Variants in PTK7 observed in about 807,000 individuals in gnomAD.
PTK7 encodes inactive tyrosine-protein kinase 7.
In PTK7, 39 loss-of-function variants were observed where a neutral mutation model predicts 116.6. The observed-to-expected ratio is 0.33, with a 90% CI of 0.26 to 0.44. The LOEUF is 0.44. Ranked by LOEUF, PTK7 falls within the 20% of genes least tolerant of loss-of-function variation. PTK7 has a pLI of 1.00. For missense variants in PTK7, 1,169 were observed against 1,425.6 expected (o/e 0.82, Z 2.90); for synonymous variants, 546 against 563.6 (o/e 0.97, Z 0.44).
At chr6:43,084,091 G>A (rs1322787679) in intron 1 of PTK7, among the ~76,000 whole-genome samples, 3 of 152,148 alleles carry the variant, frequency 2.0e-5, no homozygotes, top group Non-Finnish European at 4.4e-5. Context: ...AGCTGATCCA[G>A]TTACATAGGC....
chr6:43,076,715 G>C lies in PTK7; in HGVS notation c.79+148G>C. The C allele has an allele frequency of 7.3e-7, 1 of 1,376,544 alleles. No individual in the cohort carries two copies. Among genetic ancestry groups the C allele is most frequent in the Non-Finnish European group, 9.5e-7 (1 of 1,049,774 alleles). The allele number at this position is 1,376,544 out of a possible 1,614,324, so 85.3% of individuals were successfully genotyped here. A position where few individuals can be genotyped will look rare whatever the true frequency, so the allele number is the denominator to read the frequency against. ...CTGGGGGTGCAGGCTTGCGGCGGAA[G>C]GGCGCAAGGAGCCCGGGTGTCGGGA... On this transcript the variant is annotated intron_variant, in intron 1 of 19. Transcript: ENST00000230419. The surrounding 1 kb of genome is among the most constrained non-coding windows in gnomAD (Gnocchi z 5.7).
At chr6:43,147,721 C>T (rs1770804998) in intron 17 of PTK7, among the ~76,000 whole-genome samples, 1 of 152,196 alleles carries the variant, frequency 6.6e-6, no homozygotes, top group Admixed American at 6.5e-5. Context: ...TCAGGCTGGC[C>T]CCCTCTTATT....
chr6:43,114,352 G>GTCTC (rs370067302), intron 1 of PTK7, among the ~76,000 whole-genome samples: 310 of 149,788 alleles, frequency 2.1e-3, no homozygotes, highest in African/African-American at 6.8e-3. Context: ...CTGTCTGTCT[G>GTCTC]TCTCTCTCTC....
At position 43,119,684 on chromosome 6, in the gene PTK7, G is replaced by A. The variant is rs149531718; in HGVS notation, c.80-9293G>A. On this transcript the variant is annotated intron_variant, in intron 1 of 19. Coordinates refer to ENST00000230419, the MANE Select transcript of PTK7 (RefSeq NM_002821.5). ...CAGAGGTCTTCCTGAGGCTGAGCTC[G>A]TGGCATATTTCCCAGTCTCCTGTTC... is the stretch of plus-strand genomic sequence containing the variant. Among the ~76,000 whole-genome samples the A allele has an allele frequency of 4.1e-3, 625 of 152,298 alleles. 1 individual carries two copies. The highest frequency in any genetic ancestry group is 6.8e-3 in the Middle Eastern group (2 of 294).
In PTK7 at chr6:43,076,358, G is replaced by C; in HGVS notation, c.-131G>C. 3.8e-6 allele frequency: 2 copies of C among 529,940 alleles called. No homozygotes were observed. The highest frequency in any genetic ancestry group is 5.4e-6 in the Non-Finnish European group (2 of 369,854). The allele number at this position is 529,940 out of a possible 1,614,324, so 32.8% of individuals were successfully genotyped here. A position where few individuals can be genotyped will look rare whatever the true frequency, so the allele number is the denominator to read the frequency against. ...GGCTCGGGACGCCTCGGGACGCCTC[G>C]GGGTCGGGCTCCGGCTGCGGCTGCT... On this transcript the variant is annotated 5_prime_UTR_variant, in exon 1 of 20. Transcript: ENST00000230419. The surrounding 1 kb of genome is among the most constrained non-coding windows in gnomAD (Gnocchi z 5.7).
chr6:43,100,232 A>T (rs1767490455), intron 1 of PTK7, among the ~76,000 whole-genome samples: 1 of 152,076 alleles, frequency 6.6e-6, no homozygotes, highest in African/African-American at 2.4e-5. Flanking sequence ...AAATATGAAA[A>T]ATTAGCTGGG....
chr6:43,077,370 G>GA (rs1403802907), intron 1 of PTK7, among the ~76,000 whole-genome samples: 1 of 152,212 alleles, frequency 6.6e-6, no homozygotes, highest in Non-Finnish European at 1.5e-5. Flanking sequence ...CCTCACAGAG[G>GA]AAAGGAAGTA....
At chr6:43,155,179 T>C (rs1771349749) in intron 17 of PTK7, among the ~76,000 whole-genome samples, 1 of 152,056 alleles carries the variant, frequency 6.6e-6, no homozygotes, top group African/African-American at 2.4e-5. Context: ...TGGCACGTGG[T>C]AGATACTCAA....
intron 17 of PTK7, among the ~76,000 whole-genome samples, chr6:43,152,050 T>C (rs900262961): frequency 6.7e-6 from 1 of 149,512 alleles, no homozygotes; most frequent in Non-Finnish European, 1.5e-5. Context: ...GGTTTCATCA[T>C]GTTAGCCAGG....
In PTK7 at chr6:43,076,666, G is replaced by T; in HGVS notation, c.79+99G>T. ...GCGGTGGGTTTGGGCGGCTGGAACG[G>T]CCCTGGAGTAGTGGAGAGGCTCGCT... On this transcript the variant is annotated intron_variant, in intron 1 of 19. Coordinates refer to ENST00000230419, the MANE Select transcript of PTK7 (RefSeq NM_002821.5). The surrounding 1 kb of genome is among the most constrained non-coding windows in gnomAD (Gnocchi z 5.7). 7.0e-7 allele frequency: 1 copy of T among 1,438,208 alleles called. No individual in the cohort carries two copies. The highest frequency in any genetic ancestry group is 9.3e-7 in the Non-Finnish European group (1 of 1,078,246). 89.1% of individuals were successfully genotyped at this position (1,438,208 alleles called of 1,614,324 possible).
chr6:43,101,387 C>T (rs1427788629), intron 1 of PTK7, among the ~76,000 whole-genome samples: 1 of 151,274 alleles, frequency 6.6e-6, no homozygotes, highest in Non-Finnish European at 1.5e-5. Context: ...TCTGTCTCTA[C>T]TAAAAATACA....
intron 1 of PTK7, among the ~76,000 whole-genome samples, chr6:43,084,226 GCT>G (rs1766533196): frequency 6.6e-6 from 1 of 152,180 alleles, no homozygotes; most frequent in Admixed American, 6.5e-5. Context: ...GTCCTGTTGG[GCT>G]CAAGTGATTC....
In PTK7 at chr6:43,144,481, C is replaced by G. The variant is rs1770608818; in HGVS notation, c.2282C>G (p.Ala761Gly). Residue 761 changes from alanine to glycine, a missense_variant, in exon 15 of 20, where the codon GCA (alanine) becomes GGA (glycine). Ala to Gly is a moderately conservative substitution (Grantham distance 60). Around this residue, in one of 3 missense-constraint regions of PTK7, gnomAD observed 678 missense variants for 853.8 expected, o/e 0.79. Coordinates refer to ENST00000230419, the MANE Select transcript of PTK7 (RefSeq NM_002821.5). ...CCTTTGCAGAACGGGCAGCCCTCAG[C>G]AGAGATCCAAGAAGAAGTGGCCTTG... ...GGPLQNGQPS[A>G]EIQEEVALTS... 6.2e-7 allele frequency: 1 copy of G among 1,614,036 alleles called. No individual in the cohort carries two copies. The highest frequency in any genetic ancestry group is 1.7e-5 in the Admixed American group (1 of 60,000).
In PTK7 at chr6:43,141,765, C is replaced by T. The variant is rs767918929; in HGVS notation, c.1716C>T (p.Ala572=). The T allele has an allele frequency of 5.0e-6, 8 of 1,614,030 alleles. No homozygotes were observed. The South Asian group carries it at 6.6e-5, about 13-fold the overall frequency. The part of the protein sequence containing the change: ...RDDAGNYTCI[A]SNGPQGQIRA... Reference sequence around the variant, plus strand: ...ACGCTGGCAACTACACTTGCATTGCCTCCAACGGGCCGCAGGGCCAGATTC... The same window carrying T: ...ACGCTGGCAACTACACTTGCATTGCTTCCAACGGGCCGCAGGGCCAGATTC... Residue 572 remains alanine (A), a synonymous_variant, in exon 11 of 20, where the codon GCC becomes GCT. Coordinates refer to ENST00000230419, the MANE Select transcript of PTK7 (RefSeq NM_002821.5). The surrounding 1 kb of genome is among the most constrained non-coding windows in gnomAD (Gnocchi z 4.9).
intron 1 of PTK7, among the ~76,000 whole-genome samples, chr6:43,090,077 A>G (rs1231788514): frequency 6.6e-6 from 1 of 152,238 alleles, no homozygotes; most frequent in Non-Finnish European, 1.5e-5. Flanking sequence ...GTCTCCAGAC[A>G]GCAATTTTAG....
chr6:43,149,684 A>G (rs139164510), intron 17 of PTK7, among the ~76,000 whole-genome samples: 44 of 152,322 alleles, frequency 2.9e-4, no homozygotes, highest in Non-Finnish European at 5.7e-4. Flanking sequence ...GACCTGCATC[A>G]CTTAGCAACA....
intron 1 of PTK7, among the ~76,000 whole-genome samples, chr6:43,090,641 C>T (rs1360499985): frequency 6.6e-6 from 1 of 152,150 alleles, no homozygotes; most frequent in African/African-American, 2.4e-5. Flanking sequence ...CTCCTGCTCC[C>T]CCAGGAAGTA....
chr6:43,152,655 T>C (rs1164317421), intron 17 of PTK7, among the ~76,000 whole-genome samples: 1 of 152,262 alleles, frequency 6.6e-6, no homozygotes, highest in Non-Finnish European at 1.5e-5. Context: ...TGCTGGTCAA[T>C]ATAGTTGTCA....
intron 1 of PTK7, among the ~76,000 whole-genome samples, chr6:43,092,308 G>A (rs1766996023): frequency 6.6e-6 from 1 of 151,938 alleles, no homozygotes; most frequent in Non-Finnish European, 1.5e-5. Context: ...CAAGTAGCTG[G>A]CACTACAGGT....
Sources: gnomAD v4.1 joint callset for allele counts (sites outside exome capture counted in the v4.1 genomes callset) on GRCh38, gnomAD v4.1.1 for gene constraint, gnomAD v4.1.1 regional missense constraint, Gnocchi (gnomAD v3.1) non-coding constraint, MANE v1.5 for transcripts, NCBI Gene and HGNC (gene_info 2026-07-23, HGNC 2026-07-21) for gene names.